Variants in ZNRF3 observed in about 807,000 individuals in gnomAD.
ZNRF3 encodes the protein zinc and ring finger 3, also known as E3 ubiquitin-protein ligase ZNRF3.
A neutral mutation model predicts 72.5 loss-of-function variants in ZNRF3; 23 were observed. The observed-to-expected ratio is 0.32, with a 90% CI of 0.23 to 0.45. The LOEUF (loss-of-function observed/expected upper bound fraction) is 0.45, where lower values mean the gene tolerates loss of function less well. Ranked by LOEUF, ZNRF3 falls within the 20% of genes least tolerant of loss-of-function variation. The pLI is 1.00. For synonymous variants in ZNRF3, 610 were observed against 545.3 expected, an observed-to-expected ratio of 1.12 and a Z score of -1.65; for missense variants, 1,169 against 1,272.1, an observed-to-expected ratio of 0.92 and a Z score of 1.23.
intron 1 of ZNRF3, among the ~76,000 whole-genome samples, chr22:28,925,672 T>C (rs132551): frequency 0.83 from 126,039 of 152,144 alleles, 53,514 homozygotes; most frequent in East Asian, 0.95. Context: ...TTTGCTTTCT[T>C]ACATTTTTTA....
intron 1 of ZNRF3, among the ~76,000 whole-genome samples, chr22:28,907,795 C>T (rs988580712): frequency 6.6e-5 from 10 of 152,202 alleles, no homozygotes; most frequent in East Asian, 5.8e-4. Context: ...TGTCAGCACA[C>T]TTTCACTTGC....
chr22:28,949,154 T>C (rs1569257468), intron 1 of ZNRF3, among the ~76,000 whole-genome samples: 2 of 152,190 alleles, frequency 1.3e-5, no homozygotes, highest in African/African-American at 2.4e-5. Context: ...TAATTTTGTA[T>C]TTTTAGTAGA....
rs372697694 is a variant in ZNRF3, at chr22:29,050,620, A to C, written c.2439A>C (p.Glu813Asp). The change falls in exon 8 of 9, where the codon GAA (glutamate) becomes GAC (aspartate). Residue 813 changes from glutamate (E) to aspartate (D), a missense_variant. Physicochemically the swap from Glu to Asp is conservative, Grantham distance 45. Around this residue, in one of 2 missense-constraint regions of ZNRF3, gnomAD observed 783 missense variants for 731.4 expected, o/e 1.07. Transcript: ENST00000544604. ...GTGTGCAGTACACGCTCACCGAGGA[A>C]CCACCGCCCGGCTGCTACCCCGGGG... ...SVSVQYTLTE[E>D]PPPGCYPGAR... is the part of the protein sequence containing the mutation. The C allele has an allele frequency of 1.2e-6, 2 of 1,610,682 alleles. No homozygotes were observed. The highest frequency in any genetic ancestry group is 1.7e-6 in the Non-Finnish European group (2 of 1,178,936).
chr22:28,937,203 ATATATATATATAT>A (rs1225905583), intron 1 of ZNRF3, among the ~76,000 whole-genome samples: 56 of 9,568 alleles, frequency 5.9e-3, no homozygotes, highest in African/African-American at 0.019. Context: ...ATATATATAT[ATATATATATATAT>A]TTTTTTTTTT....
At chr22:29,042,893 G>A (rs1400765872) in intron 3 of ZNRF3, among the ~76,000 whole-genome samples, 1 of 152,060 alleles carries the variant, frequency 6.6e-6, no homozygotes, top group East Asian at 1.9e-4. Flanking sequence ...TCCTGCCTCA[G>A]CCTCCCAAGT....
intron 4 of ZNRF3, 109 bp downstream of exon 4, chr22:29,043,539 C>T (rs2123881958): frequency 1.4e-6 from 2 of 1,393,008 alleles, no homozygotes; most frequent in East Asian, 2.4e-5. Flanking sequence ...GCTGGCATAC[C>T]CCAGGTTCCT....
rs73882435 is a variant in ZNRF3 at position 29,030,778 on chromosome 22, C to G, written c.427-11717C>G. ...AGGGACCCTGCAGGGCGGTACACGA[C>G]GGGTGGGAGTGGGGAGGAGGAGGGC... On this transcript the variant is annotated intron_variant, in intron 2 of 8. Coordinates refer to ENST00000544604, the MANE Select transcript of ZNRF3 (RefSeq NM_001206998.2). This position sits in a 1 kb window ranked among gnomAD's most constrained non-coding sequence, Gnocchi z 4.2. 0.044 allele frequency among the ~76,000 whole-genome samples: 5,545 copies of G among 126,292 alleles called. 200 individuals carry two copies. Among genetic ancestry groups the G allele is most frequent in the African/African-American group, 0.12 (3,986 of 33,552 alleles). The allele number at this position is 126,292 out of a possible 152,430, so 82.9% of individuals were successfully genotyped here. A position where few individuals can be genotyped will look rare whatever the true frequency, so the allele number is the denominator to read the frequency against.
At chr22:28,906,958 G>A (rs773017346) in intron 1 of ZNRF3, among the ~76,000 whole-genome samples, 3 of 151,884 alleles carry the variant, frequency 2.0e-5, no homozygotes, top group Middle Eastern at 3.4e-3. Flanking sequence ...GATTTTCACG[G>A]AGTCATTTTC....
At chr22:28,890,765 TC>T (rs144418317) in intron 1 of ZNRF3, among the ~76,000 whole-genome samples, 15,120 of 150,660 alleles carry the variant, frequency 0.1, 1,024 homozygotes, top group African/African-American at 0.19. Flanking sequence ...TCTCTCTCTC[TC>T]TTTTTTTTTT....
At chr22:28,978,002 C>G (rs755314001) in intron 1 of ZNRF3, among the ~76,000 whole-genome samples, 7 of 152,158 alleles carry the variant, frequency 4.6e-5, no homozygotes, top group Non-Finnish European at 7.3e-5. Flanking sequence ...TCGAAGTTCC[C>G]CTAGCTTCTT....
chr22:28,964,984 C>A (rs1190946576), intron 1 of ZNRF3, among the ~76,000 whole-genome samples: 1 of 152,166 alleles, frequency 6.6e-6, no homozygotes, highest in East Asian at 1.9e-4. Flanking sequence ...GTCTCGTATG[C>A]TTGAAAAGAG....
Position 29,049,093 on chromosome 22 carries a change from G to C in ZNRF3, c.1016-104G>C. The C allele has an allele frequency of 7.5e-7, 1 of 1,328,766 alleles. No individual in the cohort carries two copies. The highest frequency in any genetic ancestry group is 1.0e-6 in the Non-Finnish European group (1 of 968,520). 82.3% of individuals were successfully genotyped at this position (1,328,766 alleles called of 1,614,324 possible). A position where few individuals can be genotyped will look rare whatever the true frequency, so the allele number is the denominator to read the frequency against. On this transcript the variant is annotated intron_variant, in intron 7 of 8. Coordinates refer to ENST00000544604, the MANE Select transcript of ZNRF3 (RefSeq NM_001206998.2). This position sits in a 1 kb window ranked among gnomAD's most constrained non-coding sequence, Gnocchi z 5.2. ...TGTGAGAATGGGTACCTTGGCAGGT[G>C]ACCAAGCCTGCTGCTTCAGCCTTTG...
intron 2 of ZNRF3, among the ~76,000 whole-genome samples, chr22:29,034,850 C>T (rs914685749): frequency 1.3e-5 from 2 of 152,164 alleles, no homozygotes; most frequent in African/African-American, 2.4e-5. Context: ...TCTGTGACCA[C>T]GCTTGCTGCC....
chr22:29,041,973 A>G (rs2036971020), intron 2 of ZNRF3, among the ~76,000 whole-genome samples: 1 of 152,154 alleles, frequency 6.6e-6, no homozygotes, highest in South Asian at 2.1e-4. Flanking sequence ...CTGACTGGGC[A>G]GGTTGTTGAT....
At chr22:28,942,378 T>C (rs1344508673) in intron 1 of ZNRF3, among the ~76,000 whole-genome samples, 1 of 152,198 alleles carries the variant, frequency 6.6e-6, no homozygotes, top group Non-Finnish European at 1.5e-5. Context: ...CCCTTTCATA[T>C]AGCACATCAA....
chr22:28,995,061 A>C (rs2036024340), intron 2 of ZNRF3, among the ~76,000 whole-genome samples: 1 of 152,232 alleles, frequency 6.6e-6, no homozygotes, highest in African/African-American at 2.4e-5. Flanking sequence ...AAAATAGAGA[A>C]TTTCGGGGAA....
intron 1 of ZNRF3, among the ~76,000 whole-genome samples, chr22:28,970,007 G>T (rs2035541016): frequency 6.6e-6 from 1 of 152,236 alleles, no homozygotes; most frequent in Non-Finnish European, 1.5e-5. Context: ...GCCATTACTT[G>T]AGAAGAGGAA....
intron 2 of ZNRF3, among the ~76,000 whole-genome samples, chr22:29,001,465 T>A (rs2036144891): frequency 6.7e-6 from 1 of 150,046 alleles, no homozygotes; most frequent in Admixed American, 6.6e-5. Flanking sequence ...ACCCAAGATT[T>A]TTTAAACTTT....
At chr22:28,893,182 A>AT (rs370248489) in intron 1 of ZNRF3, among the ~76,000 whole-genome samples, 4 of 152,202 alleles carry the variant, frequency 2.6e-5, no homozygotes, top group African/African-American at 2.4e-5. Flanking sequence ...AAATAAAAAA[A>AT]TAAAAAATAA....
Sources: gnomAD v4.1 joint callset for allele counts (sites outside exome capture counted in the v4.1 genomes callset) on GRCh38, gnomAD v4.1.1 for gene constraint, gnomAD v4.1.1 regional missense constraint, Gnocchi (gnomAD v3.1) non-coding constraint, MANE v1.5 for transcripts, NCBI Gene and HGNC (gene_info 2026-07-23, HGNC 2026-07-21) for gene names.